Variants in FHAD1 observed in about 807,000 individuals in gnomAD.
FHAD1 encodes forkhead-associated domain-containing protein 1.
In FHAD1, 146 loss-of-function variants were observed where a neutral mutation model predicts 191.3. The observed-to-expected ratio is 0.76, with a 90% CI of 0.67 to 0.88. The LOEUF (loss-of-function observed/expected upper bound fraction) is 0.88, where lower values mean the gene tolerates loss of function less well. Among genes scored for constraint, FHAD1 ranks in the 40% least tolerant of loss-of-function variants. The pLI is 0.00. For synonymous variants in FHAD1, 616 were observed against 672.3 expected, an observed-to-expected ratio of 0.92 and a Z score of 1.29; for missense variants, 1,635 against 1,785.8, an observed-to-expected ratio of 0.92 and a Z score of 1.52.
chr1:15,328,405 G>A lies in FHAD1; in HGVS notation c.1686G>A (p.Leu562=). The A allele has an allele frequency of 6.5e-7, 1 of 1,542,250 alleles. No individual in the cohort carries two copies. The highest frequency in any genetic ancestry group is 8.7e-7 in the Non-Finnish European group (1 of 1,143,434). ...AGACCACCGAGAACATCGAGAAGCT[G>A]AGGACGTCGCTGGACAGCTGCCAGG... ...QEETTENIEK[L]RTSLDSCQAC... is the part of the protein sequence containing the mutation. Residue 562 remains leucine (L), a synonymous_variant, in exon 13 of 34, where the codon CTG becomes CTA. Transcript: ENST00000688493.
At chr1:15,238,769 G>A (rs1018548340) in intron 1 of FHAD1, among the ~76,000 whole-genome samples, 5 of 152,220 alleles carry the variant, frequency 3.3e-5, no homozygotes, top group African/African-American at 7.2e-5. Context: ...CTGGGGAGAA[G>A]TCTGGTTAAG....
chr1:15,282,545 A>T (rs2100318732), intron 3 of FHAD1, among the ~76,000 whole-genome samples: 1 of 152,340 alleles, frequency 6.6e-6, no homozygotes, highest in Non-Finnish European at 1.5e-5. Flanking sequence ...GTAAGACGAA[A>T]GTGAAATGAG....
At chr1:15,268,543 T>A (rs1247303066) in intron 2 of FHAD1, among the ~76,000 whole-genome samples, 2 of 129,716 alleles carry the variant, frequency 1.5e-5, no homozygotes, top group Admixed American at 8.3e-5. Flanking sequence ...ATGGTATTTC[T>A]AGTTCTAGAT....
chr1:15,402,750 T>G (rs1469270807), downstream of FHAD1, among the ~76,000 whole-genome samples: 4 of 152,198 alleles, frequency 2.6e-5, no homozygotes, highest in Non-Finnish European at 5.9e-5. Context: ...GAGCAAGTGT[T>G]GGAGCCCAGA....
intron 2 of FHAD1, among the ~76,000 whole-genome samples, chr1:15,265,454 A>G (rs1280393743): frequency 6.6e-6 from 1 of 152,198 alleles, no homozygotes. Context: ...TTTTGCAGTT[A>G]TCTAAATACA....
chr1:15,391,644 AT>A (rs1441143973), intron 33 of FHAD1, among the ~76,000 whole-genome samples: 3 of 152,246 alleles, frequency 2.0e-5, no homozygotes, highest in Non-Finnish European at 4.4e-5. Flanking sequence ...AGCAAAACAC[AT>A]TTTTGTTGAA....
Position 15,327,313 on chromosome 1 carries a change from T to G in FHAD1, c.1557+171T>G, listed in dbSNP as rs963583088. 1.3e-5 allele frequency: 7 copies of G among 556,198 alleles called. No individual in the cohort carries two copies. The highest frequency in any genetic ancestry group is 2.3e-5 in the Non-Finnish European group (7 of 310,638). The allele number at this position is 556,198 out of a possible 1,614,324, so 34.5% of individuals were successfully genotyped here. A position where few individuals can be genotyped will look rare whatever the true frequency, so the allele number is the denominator to read the frequency against. On this transcript the variant is annotated intron_variant, in intron 12 of 33. Transcript: ENST00000688493. The surrounding 1 kb of genome is among the most constrained non-coding windows in gnomAD (Gnocchi z 5.1). ...TTGATTTTATGGGATTTCCTGGCTT[T>G]TAAAGTAAAAGCCAGTTAAAACTCC...
downstream of FHAD1, chr1:15,400,403 G>C (rs1279836364): frequency 6.6e-6 from 1 of 152,218 alleles, no homozygotes; most frequent in Non-Finnish European, 1.5e-5. Flanking sequence ...CACTTTTCCT[G>C]TCTGGACTGT....
chr1:15,358,498 C>A (rs910591023), intron 21 of FHAD1, among the ~76,000 whole-genome samples: 1 of 152,242 alleles, frequency 6.6e-6, no homozygotes, highest in Admixed American at 6.5e-5. Flanking sequence ...GCCCTCTCCC[C>A]ACAGTCGTGA....
chr1:15,369,248 A>C (rs1289164609), intron 25 of FHAD1, 122 bp from the exon 26 acceptor site: 2 of 1,180,320 alleles, frequency 1.7e-6, no homozygotes, highest in African/African-American at 3.1e-5. Flanking sequence ...GGAACAGGAA[A>C]CAAGTCTCAA....
In FHAD1 at chr1:15,291,308, C is replaced by T. The variant is rs1664691279; in HGVS notation, c.568+1642C>T. On this transcript the variant is annotated intron_variant, in intron 4 of 33. Coordinates refer to ENST00000688493, the MANE Select transcript of FHAD1 (RefSeq NM_001391957.1). ...TGTTGGCCAGGCTGGTCTCAAACTC[C>T]TGACCTCAAGTGATCTGCCCACCTT... Among the ~76,000 whole-genome samples the T allele has an allele frequency of 2.6e-5, 4 of 151,744 alleles. No individual in the cohort carries two copies. In the South Asian group the frequency reaches 8.3e-4, roughly 32 times the overall value.
Position 15,345,485 on chromosome 1 carries a change from G to A in FHAD1, c.2308G>A (p.Val770Ile), listed in dbSNP as rs367965718. Residue 770 changes from valine to isoleucine, a missense_variant, in exon 18 of 34, where the codon GTC (valine) becomes ATC (isoleucine). Coordinates refer to ENST00000688493, the MANE Select transcript of FHAD1 (RefSeq NM_001391957.1). ...KEALEEEQTR[V>I]QELEERLARQ... ...AGCATTAGAGGAAGAGCAGACAAGAGTCCAAGAGCTGGAGGAACGCTTGGC... is the reference window on the plus strand; with the variant it reads ...AGCATTAGAGGAAGAGCAGACAAGAATCCAAGAGCTGGAGGAACGCTTGGC... 9.0e-6 allele frequency: 14 copies of A among 1,552,294 alleles called. No individual in the cohort carries two copies. The African/African-American group carries it at 1.2e-4, about 14-fold the overall frequency.
chr1:15,290,916 A>G lies in FHAD1; in HGVS notation c.568+1250A>G, dbSNP rs563951938. ...TTTTTAGTAGAGATGGGGTTTCACC[A>G]TGTTAGCCAGGATGGTCTTGATCTC... On this transcript the variant is annotated intron_variant, in intron 4 of 33. Coordinates refer to ENST00000688493, the MANE Select transcript of FHAD1 (RefSeq NM_001391957.1). 3.7e-3 allele frequency among the ~76,000 whole-genome samples: 568 copies of G among 151,924 alleles called. 3 individuals carry two copies. The highest frequency in any genetic ancestry group is 0.012 in the African/African-American group (484 of 41,402).
chr1:15,280,042 G>A (rs1338507990), intron 3 of FHAD1, among the ~76,000 whole-genome samples: 2 of 152,168 alleles, frequency 1.3e-5, no homozygotes, highest in Admixed American at 1.3e-4. Context: ...GAAGTAGCGT[G>A]GCTTGTTTTT....
chr1:15,371,423 C>T (rs185974269), intron 26 of FHAD1, among the ~76,000 whole-genome samples: 5 of 152,282 alleles, frequency 3.3e-5, no homozygotes, highest in African/African-American at 1.2e-4. Context: ...AATGGTTTTC[C>T]TCCTTCGGGC....
At chr1:15,305,818 C>A (rs748918046) in intron 6 of FHAD1, 2 of 433,366 alleles carry the variant, frequency 4.6e-6, no homozygotes, top group South Asian at 3.3e-5. Flanking sequence ...CCATGTGGAA[C>A]TGTAAGTCCA....
intron 4 of FHAD1, among the ~76,000 whole-genome samples, chr1:15,296,124 G>C (rs529483146): frequency 6.6e-6 from 1 of 152,280 alleles, no homozygotes; most frequent in South Asian, 2.1e-4. Context: ...AAAAAGGTCT[G>C]GAAAGAGACA....
chr1:15,255,837 G>C (rs1451604541), intron 2 of FHAD1, among the ~76,000 whole-genome samples: 1 of 152,172 alleles, frequency 6.6e-6, no homozygotes, highest in Non-Finnish European at 1.5e-5. Flanking sequence ...GAGTGGGAAG[G>C]GGGAGAGCTA....
At chr1:15,237,817 TG>T (rs1644942563) in intron 1 of FHAD1, among the ~76,000 whole-genome samples, 1 of 152,114 alleles carries the variant, frequency 6.6e-6, no homozygotes, top group African/African-American at 2.4e-5. Flanking sequence ...GCAGAAAAAC[TG>T]GACATGTTTA....
Sources: gnomAD v4.1 joint callset for allele counts (sites outside exome capture counted in the v4.1 genomes callset) on GRCh38, gnomAD v4.1.1 for gene constraint, Gnocchi (gnomAD v3.1) non-coding constraint, MANE v1.5 for transcripts, NCBI Gene and HGNC (gene_info 2026-07-23, HGNC 2026-07-21) for gene names.